The following AGO2 variants were observed in gnomAD, a reference collection of about 807,000 sequenced individuals.
The protein encoded by AGO2 is protein argonaute-2.
AGO2 carries 5 observed loss-of-function variants against 102.3 expected under a neutral mutation model. That is an observed-to-expected ratio of 0.05 (90% CI 0.03 to 0.10). The LOEUF (loss-of-function observed/expected upper bound fraction) is 0.10. AGO2 is among the 10% of genes least tolerant of loss of function. The pLI is 1.00. For synonymous variants in AGO2, 449 were observed against 473.1 expected (o/e 0.95, Z 0.66); for missense variants, 541 against 1,183.7 (o/e 0.46, Z 7.97).
intron 3 of AGO2, among the ~76,000 whole-genome samples, chr8:140,568,318 CTG>C (rs1241586579): frequency 2.0e-5 from 3 of 150,188 alleles, no homozygotes; most frequent in Admixed American, 6.6e-5. Context: ...CACAAAGAAA[CTG>C]TGTATGAAGC....
chr8:140,595,905 T>A (rs2073831630), intron 1 of AGO2, among the ~76,000 whole-genome samples: 1 of 120,728 alleles, frequency 8.3e-6, no homozygotes, highest in Non-Finnish European at 1.6e-5. Flanking sequence ...ATATTATGTA[T>A]TATATAATAT....
intron 1 of AGO2, among the ~76,000 whole-genome samples, chr8:140,609,869 G>A (rs1258482877): frequency 4.6e-5 from 7 of 151,584 alleles, no homozygotes; most frequent in Non-Finnish European, 1.0e-4. Flanking sequence ...GGCCAGGCAC[G>A]GGGGCTCACA....
intron 1 of AGO2, among the ~76,000 whole-genome samples, chr8:140,595,819 T>C (rs368144263): frequency 0.42 from 14,956 of 35,350 alleles, 1,518 homozygotes; most frequent in Non-Finnish European, 0.5. Flanking sequence ...GTATATATTA[T>C]ATTTATATTA....
Position 140,549,328 on chromosome 8 carries a change from G to A in AGO2, c.1404-30C>T. The A allele has an allele frequency of 3.2e-6, 5 of 1,553,890 alleles. No individual in the cohort carries two copies. In the East Asian group the frequency reaches 9.1e-5, roughly 28 times the overall value. ...AGGAGAAGGCTCCGTTCACTACCGGGCACTGGGAATGGCAGAGAACTCAGG... is the reference window on the plus strand; with the variant it reads ...AGGAGAAGGCTCCGTTCACTACCGGACACTGGGAATGGCAGAGAACTCAGG... On this transcript the variant is annotated intron_variant, in intron 11 of 18. Transcript: ENST00000220592.
At chr8:140,594,679 C>T (rs2073796889) in intron 1 of AGO2, among the ~76,000 whole-genome samples, 3 of 151,998 alleles carry the variant, frequency 2.0e-5, no homozygotes, top group Admixed American at 2.0e-4. Context: ...TGGTGGCATG[C>T]CTCTGTAGTC....
intron 14 of AGO2, among the ~76,000 whole-genome samples, chr8:140,543,357 C>T (rs2072836250): frequency 6.6e-6 from 1 of 152,218 alleles, no homozygotes; most frequent in Non-Finnish European, 1.5e-5. Context: ...TATCATGTTG[C>T]TTTTCTTCCA....
intron 4 of AGO2, among the ~76,000 whole-genome samples, chr8:140,561,824 C>G (rs1588459426): frequency 6.6e-6 from 1 of 152,332 alleles, no homozygotes; most frequent in East Asian, 1.9e-4. Context: ...AACTTGAAAA[C>G]TCAACTTGTT....
chr8:140,572,274 A>G (rs1302313020), intron 3 of AGO2: 2 of 152,268 alleles, frequency 1.3e-5, no homozygotes, highest in Non-Finnish European at 2.9e-5. Context: ...CAGATGAGTC[A>G]CTGGCTAGAG....
chr8:140,554,053 C>T (rs2073052374), intron 10 of AGO2, among the ~76,000 whole-genome samples: 1 of 152,248 alleles, frequency 6.6e-6, no homozygotes. Context: ...CGTTGGCTTA[C>T]ACAAGCTCTT....
chr8:140,547,936 A>G (rs1275475412), intron 12 of AGO2, among the ~76,000 whole-genome samples: 1 of 152,202 alleles, frequency 6.6e-6, no homozygotes, highest in East Asian at 1.9e-4. Flanking sequence ...TTATCAACAA[A>G]ACGATTTAAA....
chr8:140,591,407 C>A (rs1268134182), intron 1 of AGO2, among the ~76,000 whole-genome samples: 1 of 152,238 alleles, frequency 6.6e-6, no homozygotes, highest in Non-Finnish European at 1.5e-5. Context: ...GAGGCCGACA[C>A]AGGCAGCCTG....
chr8:140,618,091 CAGG>C lies in AGO2; in HGVS notation c.22+17391_22+17393del, dbSNP rs550359197. Among the ~76,000 whole-genome samples the C allele has an allele frequency of 1.1e-4, 17 of 151,940 alleles. No homozygotes were observed. The South Asian group carries it at 2.9e-3, about 26-fold the overall frequency. ...GGCCTAGACGGGCAGATCACGAGGT[CAGG>C]AGTTCGAGACCAGCCTGGCCAACAC... On this transcript the variant is annotated intron_variant, in intron 1 of 18. Transcript: ENST00000220592.
intron 14 of AGO2, chr8:140,541,590 TTAAACAAAAC>T (rs2072799487): frequency 2.2e-6 from 1 of 462,834 alleles, no homozygotes; most frequent in Non-Finnish European, 3.7e-6. Flanking sequence ...GTTACATAGT[TTAAACAAAAC>T]AAAACAAAAC....
At chr8:140,634,301 G>C (rs543790367) in intron 1 of AGO2, among the ~76,000 whole-genome samples, 26 of 152,410 alleles carry the variant, frequency 1.7e-4, no homozygotes, top group African/African-American at 6.0e-4. Flanking sequence ...AGGTGGGCCA[G>C]GGGGCCTTCC....
At position 140,612,935 on chromosome 8, in the gene AGO2, C is replaced by T. The variant is rs994612838; in HGVS notation, c.22+22550G>A. ...ATATCCCTGGCCAGGCATGGTGGCT[C>T]GCGTCTTTAATCCCAGCACTTTGGG... On this transcript the variant is annotated intron_variant, in intron 1 of 18. Transcript: ENST00000220592. Among the ~76,000 whole-genome samples, 9 of 151,934 alleles carry T rather than the reference C, an allele frequency of 5.9e-5. No homozygotes were observed. In the East Asian group the frequency reaches 1.4e-3, roughly 23 times the overall value.
intron 10 of AGO2, among the ~76,000 whole-genome samples, chr8:140,552,762 A>C (rs2073024670): frequency 9.8e-6 from 1 of 102,364 alleles, no homozygotes; most frequent in African/African-American, 4.1e-5. Context: ...ACACACACAC[A>C]CACACACACA....
At chr8:140,622,244 G>A (rs1043348436) in intron 1 of AGO2, among the ~76,000 whole-genome samples, 5 of 152,126 alleles carry the variant, frequency 3.3e-5, no homozygotes, top group Admixed American at 1.3e-4. Context: ...AGCGAATGGG[G>A]GTGACTACTT....
At chr8:140,600,535 C>T (rs1395413467) in intron 1 of AGO2, among the ~76,000 whole-genome samples, 1 of 152,172 alleles carries the variant, frequency 6.6e-6, no homozygotes, top group Non-Finnish European at 1.5e-5. Flanking sequence ...ACAAAATTAG[C>T]CGGGCGTGGT....
At chr8:140,587,254 C>T (rs942945571) in intron 1 of AGO2, among the ~76,000 whole-genome samples, 2 of 152,222 alleles carry the variant, frequency 1.3e-5, no homozygotes, top group African/African-American at 4.8e-5. Flanking sequence ...GAAAACACAG[C>T]GGTAATTCAT....
Sources: allele counts gnomAD v4.1 joint callset (sites outside exome capture counted in the v4.1 genomes callset), GRCh38; gene constraint gnomAD v4.1.1; transcripts MANE v1.5; gene names NCBI Gene and HGNC (gene_info 2026-07-23, HGNC 2026-07-21).